AGTPBP1: variants seen among roughly 807,000 people sequenced by gnomAD.
AGTPBP1 encodes the protein cytosolic carboxypeptidase 1.
AGTPBP1 carries 70 observed loss-of-function variants against 143.9 expected under a neutral mutation model. That is an observed-to-expected ratio of 0.49 (90% CI 0.40 to 0.59). AGTPBP1 has a LOEUF of 0.59. Among genes scored for constraint, AGTPBP1 ranks in the 20% least tolerant of loss-of-function variants. The pLI is 0.00. For synonymous variants in AGTPBP1, 463 were observed against 500.2 expected (o/e 0.93, Z 0.99); for missense variants, 1,229 against 1,464.5 (o/e 0.84, Z 2.62).
At chr9:85,553,527 CT>C (rs774491853) in intron 25 of AGTPBP1, among the ~76,000 whole-genome samples, 2 of 152,144 alleles carry the variant, frequency 1.3e-5, no homozygotes, top group Non-Finnish European at 2.9e-5. Context: ...GGGCTTCTAA[CT>C]TACGGTATTT....
intron 1 of AGTPBP1, among the ~76,000 whole-genome samples, chr9:85,737,084 C>T (rs951639164): frequency 6.6e-6 from 1 of 151,794 alleles, no homozygotes; most frequent in Non-Finnish European, 1.5e-5. Flanking sequence ...CCAGCCTGGG[C>T]GACAGAGCAA....
intron 25 of AGTPBP1, among the ~76,000 whole-genome samples, chr9:85,559,436 A>T (rs910724150): frequency 2.5e-5 from 3 of 118,490 alleles, no homozygotes; most frequent in Non-Finnish European, 5.8e-5. Context: ...AGATGACAGT[A>T]AAAAAAAAAA....
the AGTPBP1 span, among the ~76,000 whole-genome samples, chr9:85,776,528 T>G: frequency 1.3e-5 from 2 of 152,328 alleles, no homozygotes; most frequent in South Asian, 4.1e-4. Flanking sequence ...CAGAGCATGG[T>G]AATACTAAGC....
intron 17 of AGTPBP1, among the ~76,000 whole-genome samples, chr9:85,599,948 G>A (rs1354837314): frequency 6.6e-6 from 1 of 152,154 alleles, no homozygotes; most frequent in African/African-American, 2.4e-5. Context: ...CCACATACCA[G>A]ATGCATGATC....
At chr9:85,574,869 C>A (rs530952197) in intron 25 of AGTPBP1, among the ~76,000 whole-genome samples, 26 of 152,184 alleles carry the variant, frequency 1.7e-4, no homozygotes, top group Admixed American at 5.2e-4. Flanking sequence ...ACACCATGCC[C>A]GGCTAATTCT....
intron 13 of AGTPBP1, among the ~76,000 whole-genome samples, chr9:85,639,734 T>C (rs1180382242): frequency 1.3e-5 from 2 of 152,078 alleles, no homozygotes; most frequent in African/African-American, 4.8e-5. Flanking sequence ...ACCACAGACA[T>C]ATGAATAAAA....
intron 25 of AGTPBP1, among the ~76,000 whole-genome samples, chr9:85,556,049 A>G (rs1826318628): frequency 6.6e-6 from 1 of 152,202 alleles, no homozygotes. Context: ...CTTAGTACCC[A>G]GGCGAGGAAA....
At chr9:85,788,425 A>G in the AGTPBP1 span, among the ~76,000 whole-genome samples, 1 of 149,720 alleles carries the variant, frequency 6.7e-6, no homozygotes, top group Non-Finnish European at 1.5e-5. Context: ...ATATATATAC[A>G]CTTGTACCTA....
intron 17 of AGTPBP1, among the ~76,000 whole-genome samples, chr9:85,602,992 A>AT (rs1431011767): frequency 6.6e-6 from 1 of 152,228 alleles, no homozygotes; most frequent in Admixed American, 6.5e-5. Context: ...GGAATTGCCC[A>AT]TCCCAGCTGT....
chr9:85,555,536 T>C (rs190132425), intron 25 of AGTPBP1, among the ~76,000 whole-genome samples: 165 of 152,268 alleles, frequency 1.1e-3, no homozygotes, highest in Admixed American at 1.8e-3. Context: ...GAGGCAGAGA[T>C]TGCAGTGAGC....
At chr9:85,583,106 G>A (rs1276326865) in intron 23 of AGTPBP1, among the ~76,000 whole-genome samples, 1 of 152,154 alleles carries the variant, frequency 6.6e-6, no homozygotes, top group South Asian at 2.1e-4. Flanking sequence ...CATGATGCAA[G>A]GAACACAGAC....
chr9:85,581,966 GA>G (rs370281328), intron 23 of AGTPBP1, among the ~76,000 whole-genome samples: 2,568 of 151,886 alleles, frequency 0.017, 31 homozygotes, highest in Middle Eastern at 0.054. Context: ...TTCCAAGAAA[GA>G]AAAAAAATCT....
intron 1 of AGTPBP1, among the ~76,000 whole-genome samples, chr9:85,727,744 T>C (rs1838598070): frequency 6.6e-6 from 1 of 152,146 alleles, no homozygotes. Context: ...GCCAGTTGTG[T>C]TGATTCACAC....
At chr9:85,785,980 A>G in the AGTPBP1 span, 1 of 701,256 alleles carries the variant, frequency 1.4e-6, no homozygotes, top group African/African-American at 1.8e-5. Context: ...ATTTAACAAA[A>G]AAGTTGAACA....
the AGTPBP1 span, among the ~76,000 whole-genome samples, chr9:85,766,697 C>T: frequency 6.6e-6 from 1 of 152,044 alleles, no homozygotes; most frequent in South Asian, 2.1e-4. Flanking sequence ...GTTGGTTCTT[C>T]TTAGTGTACC....
At chr9:85,726,531 C>T (rs1838506775) in intron 1 of AGTPBP1, among the ~76,000 whole-genome samples, 1 of 152,202 alleles carries the variant, frequency 6.6e-6, no homozygotes, top group Non-Finnish European at 1.5e-5. Context: ...AGAACTGTAT[C>T]TAGTGAGTCA....
intron 25 of AGTPBP1, among the ~76,000 whole-genome samples, chr9:85,550,470 T>C (rs1250312875): frequency 6.6e-6 from 1 of 152,140 alleles, no homozygotes; most frequent in Non-Finnish European, 1.5e-5. Context: ...GTGCTCCTCA[T>C]CCTCTATGCA....
intron 11 of AGTPBP1, among the ~76,000 whole-genome samples, chr9:85,648,396 A>G (rs1447879425): frequency 6.6e-6 from 1 of 152,354 alleles, no homozygotes; most frequent in East Asian, 1.9e-4. Context: ...ATAAATATTC[A>G]TATTTCACAT....
At position 85,725,583 on chromosome 9, in the gene AGTPBP1, C is replaced by T. The variant is rs192079584; in HGVS notation, c.-33-13017G>A. Reference sequence around the variant, plus strand: ...ACCTGATATAAGCAAAAAAGCTCTACAAGTGTAATGGAAAATTGGAGAGAA... The same window carrying T: ...ACCTGATATAAGCAAAAAAGCTCTATAAGTGTAATGGAAAATTGGAGAGAA... On this transcript the variant is annotated intron_variant, in intron 1 of 25. Transcript: ENST00000357081. Among the ~76,000 whole-genome samples the T allele has an allele frequency of 3.3e-5, 5 of 152,254 alleles. 1 individual carries two copies. In the East Asian group the frequency reaches 9.7e-4, roughly 29 times the overall value.
Sources: allele counts gnomAD v4.1 joint callset (sites outside exome capture counted in the v4.1 genomes callset), GRCh38; gene constraint gnomAD v4.1.1; transcripts MANE v1.5; gene names NCBI Gene and HGNC (gene_info 2026-07-23, HGNC 2026-07-21).